RALGAPA2: variants seen among roughly 807,000 people sequenced by gnomAD.
RALGAPA2 encodes Ral GTPase activating protein catalytic subunit alpha 2, also known as ral GTPase-activating protein subunit alpha-2.
A neutral mutation model predicts 230.4 loss-of-function variants in RALGAPA2; 139 were observed. The ratio of observed to expected loss-of-function variants is 0.60; its 90% CI spans 0.53 to 0.69. The LOEUF is 0.69. RALGAPA2 is among the 30% of genes least tolerant of loss of function. The pLI is 0.00. For missense variants in RALGAPA2, 2,163 were observed against 2,276.0 expected (o/e 0.95, Z 1.01); for synonymous variants, 847 against 837.8 (o/e 1.01, Z -0.19).
Position 20,605,411 on chromosome 20 carries a change from G to A in RALGAPA2, c.1802C>T (p.Thr601Met), listed in dbSNP as rs767028472. ...TGCTCGGATCCAAGCTACCATGAGCGTCTAAAACCAACCAACCAACAAGAG... is the reference window on the plus strand; with the variant it reads ...TGCTCGGATCCAAGCTACCATGAGCATCTAAAACCAACCAACCAACAAGAG... The part of the protein sequence containing the change: ...AQSLAGLLFR[T>M]LMVAWIRANL... Residue 601 changes from threonine (T) to methionine (M), a missense_variant and splice_region_variant, in exon 15 of 40, where the codon ACG becomes ATG. Coordinates refer to ENST00000202677, the MANE Select transcript of RALGAPA2 (RefSeq NM_020343.4). 2.4e-5 allele frequency: 39 copies of A among 1,605,142 alleles called. No homozygotes were observed. Among genetic ancestry groups the A allele is most frequent in the East Asian group, 9.0e-5 (4 of 44,682 alleles).
chr20:20,561,995 C>T (rs2064269806), intron 23 of RALGAPA2, among the ~76,000 whole-genome samples: 1 of 152,136 alleles, frequency 6.6e-6, no homozygotes, highest in Non-Finnish European at 1.5e-5. Flanking sequence ...AATTCCCCTG[C>T]CCCTCAAGAA....
At chr20:20,504,325 C>T (rs2062464500) in intron 34 of RALGAPA2, among the ~76,000 whole-genome samples, 2 of 152,280 alleles carry the variant, frequency 1.3e-5, no homozygotes, top group Non-Finnish European at 1.5e-5. Flanking sequence ...GTAAGGATGT[C>T]GTTTTGACTC....
rs376818735 is a variant in RALGAPA2 at position 20,676,278 on chromosome 20, CTTA to C, written c.225_227del (p.Asn75del). ...TGGAGTCCAGCTCCTCCCTTTGTGA[CTTA>C]TTATTCCCTGGAATATTAAAAAATA... On this transcript the variant is annotated inframe_deletion, in exon 3 of 40. Coordinates refer to ENST00000202677, the MANE Select transcript of RALGAPA2 (RefSeq NM_020343.4). The C allele has an allele frequency of 1.7e-3, 2,663 of 1,565,630 alleles. 4 individuals carry two copies. The highest frequency in any genetic ancestry group is 2.2e-3 in the Non-Finnish European group (2,509 of 1,141,890).
chr20:20,491,841 T>A (rs929568549), intron 36 of RALGAPA2, among the ~76,000 whole-genome samples: 5 of 151,882 alleles, frequency 3.3e-5, no homozygotes, highest in African/African-American at 1.2e-4. Flanking sequence ...TTTTTTTTTT[T>A]AAATGAAAAA....
At chr20:20,501,780 G>C (rs931833415) in intron 35 of RALGAPA2, among the ~76,000 whole-genome samples, 2 of 152,156 alleles carry the variant, frequency 1.3e-5, no homozygotes, top group African/African-American at 4.8e-5. Context: ...TTTCAAGTGA[G>C]AGACATCCAA....
chr20:20,616,257 A>G, intron 12 of RALGAPA2, 66 bp from the exon 13 acceptor site: 1 of 1,223,808 alleles, frequency 8.2e-7, no homozygotes, highest in Non-Finnish European at 1.1e-6. Context: ...AATTTTGCTT[A>G]CAGATATTAA....
At chr20:20,709,566 G>A (rs929810634) in intron 1 of RALGAPA2, among the ~76,000 whole-genome samples, 2 of 152,156 alleles carry the variant, frequency 1.3e-5, no homozygotes, top group Non-Finnish European at 2.9e-5. Context: ...TGTCAACAGT[G>A]TAGGAAGAAC....
intron 11 of RALGAPA2, 113 bp downstream of exon 11, chr20:20,620,350 G>A: frequency 2.7e-6 from 3 of 1,106,088 alleles, no homozygotes; most frequent in East Asian, 2.4e-5. Context: ...CATCAGATGG[G>A]ATAAAAAAGA....
At chr20:20,584,250 T>C (rs2065069307) in intron 19 of RALGAPA2, among the ~76,000 whole-genome samples, 2 of 152,188 alleles carry the variant, frequency 1.3e-5, no homozygotes, top group East Asian at 1.9e-4. Context: ...ATTTAACCCA[T>C]TGACTTCAAT....
At chr20:20,616,265 T>A in intron 12 of RALGAPA2, 74 bp from the exon 13 acceptor site, 1 of 1,089,398 alleles carries the variant, frequency 9.2e-7, no homozygotes, top group Non-Finnish European at 1.3e-6. Context: ...TTACAGATAT[T>A]AATTTCACTC....
chr20:20,571,742 C>T, intron 22 of RALGAPA2, 106 bp downstream of exon 22: 1 of 1,455,480 alleles, frequency 6.9e-7, no homozygotes, highest in African/African-American at 1.4e-5. Context: ...TTAGTAAGAC[C>T]CAGCCTGTCT....
At chr20:20,587,743 A>G (rs933491236) in intron 18 of RALGAPA2, among the ~76,000 whole-genome samples, 18 of 152,138 alleles carry the variant, frequency 1.2e-4, no homozygotes, top group African/African-American at 4.1e-4. Context: ...TGCTACAAAC[A>G]TAACCAAAAT....
rs1482170707 is a variant in RALGAPA2 at position 20,712,422 on chromosome 20, G to A, written c.59C>T (p.Pro20Leu). The A allele has an allele frequency of 6.4e-7, 1 of 1,554,978 alleles. No homozygotes were observed. Among genetic ancestry groups the A allele is most frequent in the East Asian group, 2.4e-5 (1 of 41,204 alleles). ...CAGGCGGGTCAGCACGTCCTTCTTCGGGTCCAGCACCTTCTGGGTGGACTT... is the reference window on the plus strand; with the variant it reads ...CAGGCGGGTCAGCACGTCCTTCTTCAGGTCCAGCACCTTCTGGGTGGACTT... Reference protein sequence around the residue: ...VKKSTQKVLDPKKDVLTRLKH... With the variant: ...VKKSTQKVLDLKKDVLTRLKH... The change falls in exon 1 of 40, where the codon CCG (proline) becomes CTG (leucine). Residue 20 changes from proline to leucine, a missense_variant. Physicochemically the swap from Pro to Leu is moderately conservative, Grantham distance 98. Transcript: ENST00000202677. The surrounding 1 kb of genome is among the most constrained non-coding windows in gnomAD (Gnocchi z 5.5).
intron 13 of RALGAPA2, among the ~76,000 whole-genome samples, chr20:20,612,191 A>G (rs1229574952): frequency 1.3e-5 from 2 of 152,170 alleles, no homozygotes; most frequent in Non-Finnish European, 1.5e-5. Context: ...TCTTACACCT[A>G]AGTTATATTG....
At chr20:20,467,503 T>G (rs1459192552) in intron 37 of RALGAPA2, among the ~76,000 whole-genome samples, 1 of 152,214 alleles carries the variant, frequency 6.6e-6, no homozygotes, top group African/African-American at 2.4e-5. Flanking sequence ...GGTTCTGAGA[T>G]TATTTGTTCT....
In RALGAPA2 at chr20:20,662,036, A is replaced by G. The variant is rs146296701; in HGVS notation, c.271-8449T>C. 1.2e-3 allele frequency among the ~76,000 whole-genome samples: 186 copies of G among 152,368 alleles called. 1 individual carries two copies. The highest frequency in any genetic ancestry group is 4.1e-3 in the African/African-American group (172 of 41,594). On this transcript the variant is annotated intron_variant, in intron 3 of 39. Transcript: ENST00000202677. ...TAAATGGGGGATATTAACACACACT[A>G]TCTTTGAGAAATAAAATAGGCAATA...
intron 3 of RALGAPA2, among the ~76,000 whole-genome samples, chr20:20,669,837 C>A (rs761855141): frequency 1.3e-5 from 2 of 152,158 alleles, no homozygotes; most frequent in South Asian, 4.1e-4. Flanking sequence ...CTGATTAAAA[C>A]GAATCTCAGG....
intron 20 of RALGAPA2, among the ~76,000 whole-genome samples, chr20:20,574,135 A>G (rs2064744095): frequency 6.6e-6 from 1 of 152,132 alleles, no homozygotes; most frequent in South Asian, 2.1e-4. Flanking sequence ...TAAAATTTTA[A>G]CCATTCTTAT....
At chr20:20,478,627 G>C (rs999693731) in intron 36 of RALGAPA2, among the ~76,000 whole-genome samples, 1 of 151,818 alleles carries the variant, frequency 6.6e-6, no homozygotes. Flanking sequence ...GCTAAACATT[G>C]AGTACTCATG....
Sources: gnomAD v4.1 joint callset for allele counts (sites outside exome capture counted in the v4.1 genomes callset) on GRCh38, gnomAD v4.1.1 for gene constraint, Gnocchi (gnomAD v3.1) non-coding constraint, MANE v1.5 for transcripts, NCBI Gene and HGNC (gene_info 2026-07-23, HGNC 2026-07-21) for gene names.